RAD51B: variants seen among roughly 807,000 people sequenced by gnomAD.
RAD51B encodes the protein RAD51 paralog B.
In RAD51B, 38 loss-of-function variants were observed where a neutral mutation model predicts 42.2. That is an observed-to-expected ratio of 0.90 (90% confidence interval 0.70 to 1.18). The LOEUF (loss-of-function observed/expected upper bound fraction) is 1.18. Among genes scored for constraint, RAD51B ranks in the 50% most tolerant of loss-of-function variants. The probability of loss-of-function intolerance (pLI) is 0.00; values close to 1 mark genes in which losing one functional copy is unlikely to be tolerated. For missense variants in RAD51B, 373 were observed against 400.7 expected, an observed-to-expected ratio of 0.93 and a Z score of 0.59; for synonymous variants, 154 against 145.2, an observed-to-expected ratio of 1.06 and a Z score of -0.43.
intron 7 of RAD51B, among the ~76,000 whole-genome samples, chr14:68,209,103 A>G (rs1487503462): frequency 1.3e-5 from 2 of 152,298 alleles, no homozygotes; most frequent in East Asian, 1.9e-4. Flanking sequence ...GATCAGGAAG[A>G]TTTTGTCATC....
chr14:68,540,582 C>T (rs1047023041), intron 10 of RAD51B: 1 of 985,204 alleles, frequency 1.0e-6, no homozygotes, highest in African/African-American at 1.7e-5. Context: ...TAGCGTGGTT[C>T]TAGGTGCTGT....
At chr14:68,183,987 G>GA (rs1303548605) in intron 7 of RAD51B, among the ~76,000 whole-genome samples, 1 of 151,384 alleles carries the variant, frequency 6.6e-6, no homozygotes, top group African/African-American at 2.4e-5. Flanking sequence ...AGCTACTCGG[G>GA]GGGGGTGAGG....
chr14:68,022,339 G>A (rs977005981), intron 7 of RAD51B, among the ~76,000 whole-genome samples: 1 of 152,026 alleles, frequency 6.6e-6, no homozygotes, highest in African/African-American at 2.4e-5. Flanking sequence ...ATTATTGATG[G>A]GCACCCAGAT....
rs1311198224 is a variant in RAD51B, at chr14:67,980,482, A to G, written c.756+93278A>G. ...AAGTGGAAAAAATTAGAGGACTAAC[A>G]TTACCTGATTTTAAGACTTATAAAG... On this transcript the variant is annotated intron_variant, in intron 7 of 10. Coordinates refer to ENST00000471583, the MANE Select transcript of RAD51B (RefSeq NM_133510.4). 3.9e-5 allele frequency among the ~76,000 whole-genome samples: 6 copies of G among 152,164 alleles called. No individual in the cohort carries two copies. The East Asian group carries it at 9.6e-4, about 24-fold the overall frequency.
At chr14:68,280,715 T>C (rs1314397254) in intron 7 of RAD51B, among the ~76,000 whole-genome samples, 1 of 152,156 alleles carries the variant, frequency 6.6e-6, no homozygotes, top group African/African-American at 2.4e-5. Context: ...ATAACACAAA[T>C]GACATAAAAA....
intron 10 of RAD51B, among the ~76,000 whole-genome samples, chr14:68,484,540 G>T (rs1883477993): frequency 6.6e-6 from 1 of 151,922 alleles, no homozygotes; most frequent in Non-Finnish European, 1.5e-5. Flanking sequence ...TGTATTTTTA[G>T]TAGAGACGGA....
At chr14:68,603,777 C>T (rs1237794832) in intron 10 of RAD51B, among the ~76,000 whole-genome samples, 1 of 152,230 alleles carries the variant, frequency 6.6e-6, no homozygotes, top group African/African-American at 2.4e-5. Context: ...CCTGCACACG[C>T]CGCGTCTCGC....
chr14:68,155,392 C>T (rs1462840804), intron 7 of RAD51B, among the ~76,000 whole-genome samples: 2 of 151,978 alleles, frequency 1.3e-5, no homozygotes, highest in African/African-American at 4.8e-5. Flanking sequence ...CGGGGTTTCA[C>T]CATGTTGGCC....
intron 8 of RAD51B, among the ~76,000 whole-genome samples, chr14:68,293,748 C>CA (rs1234675475): frequency 6.6e-6 from 1 of 152,346 alleles, no homozygotes; most frequent in African/African-American, 2.4e-5. Flanking sequence ...GCCGCTCTAT[C>CA]TGCTCAACTG....
At chr14:68,201,931 A>G (rs1196078155) in intron 7 of RAD51B, among the ~76,000 whole-genome samples, 2 of 152,226 alleles carry the variant, frequency 1.3e-5, no homozygotes, top group African/African-American at 4.8e-5. Context: ...GGTGTGTCAA[A>G]GCACATGCAG....
chr14:68,610,320 C>T lies in RAD51B; in HGVS notation c.1037-686C>T, dbSNP rs904073285. Among the ~76,000 whole-genome samples, 6 of 152,222 alleles carry T rather than the reference C, an allele frequency of 3.9e-5. No homozygotes were observed. In the South Asian group the frequency reaches 6.2e-4, roughly 16 times the overall value. ...TCTATTTTTCAGATCCCTCCCACTCCGGTGTTGCTATCTGAATTCAAACCC... is the reference window on the plus strand; with the variant it reads ...TCTATTTTTCAGATCCCTCCCACTCTGGTGTTGCTATCTGAATTCAAACCC... On this transcript the variant is annotated intron_variant, in intron 10 of 10. Coordinates refer to the RAD51B transcript ENST00000487861.
intron 7 of RAD51B, among the ~76,000 whole-genome samples, chr14:68,078,927 T>A (rs1378711965): frequency 6.6e-6 from 1 of 152,056 alleles, no homozygotes; most frequent in African/African-American, 2.4e-5. Context: ...GAGGTTGAGG[T>A]TTCAGTGAGC....
At chr14:67,926,794 C>G (rs1338765579) in intron 7 of RAD51B, among the ~76,000 whole-genome samples, 1 of 152,010 alleles carries the variant, frequency 6.6e-6, no homozygotes, top group African/African-American at 2.4e-5. Context: ...GAACTCCCAA[C>G]TTTGTGATCT....
intron 7 of RAD51B, among the ~76,000 whole-genome samples, chr14:68,187,194 G>A (rs1197309465): frequency 6.6e-6 from 1 of 152,122 alleles, no homozygotes; most frequent in African/African-American, 2.4e-5. Flanking sequence ...GTCAACACTG[G>A]GAACTACTAG....
At chr14:68,046,014 G>A (rs907809602) in intron 7 of RAD51B, among the ~76,000 whole-genome samples, 5 of 152,158 alleles carry the variant, frequency 3.3e-5, no homozygotes, top group Non-Finnish European at 7.3e-5. Flanking sequence ...CCACGGCCCT[G>A]GCTCCACCTA....
intron 8 of RAD51B, among the ~76,000 whole-genome samples, chr14:68,354,807 C>G (rs2082864492): frequency 6.6e-6 from 1 of 151,998 alleles, no homozygotes; most frequent in Non-Finnish European, 1.5e-5. Flanking sequence ...GGGCTAGCCT[C>G]TCGGCTTGCT....
intron 8 of RAD51B, among the ~76,000 whole-genome samples, chr14:68,332,281 C>G (rs1352333467): frequency 6.6e-6 from 1 of 152,050 alleles, no homozygotes; most frequent in East Asian, 1.9e-4. Flanking sequence ...TGTATACACA[C>G]AAACACAAAT....
Position 68,213,105 on chromosome 14 carries a change from G to A in RAD51B, c.757-78779G>A, listed in dbSNP as rs541575351. ...AATTTTCTCATTAAAAATTTCTGAC[G>A]AAAGCACAAATAATGTGCTTTTGCA... is the stretch of plus-strand genomic sequence containing the variant. On this transcript the variant is annotated intron_variant, in intron 7 of 10. Coordinates refer to ENST00000471583, the MANE Select transcript of RAD51B (RefSeq NM_133510.4). Among the ~76,000 whole-genome samples the A allele has an allele frequency of 1.0e-3, 152 of 152,254 alleles. 1 individual carries two copies. The highest frequency in any genetic ancestry group is 1.6e-3 in the Non-Finnish European group (110 of 68,026).
chr14:68,608,054 G>C (rs1891523850), intron 10 of RAD51B, among the ~76,000 whole-genome samples: 1 of 152,242 alleles, frequency 6.6e-6, no homozygotes, highest in Non-Finnish European at 1.5e-5. Context: ...GCCTGAGAAA[G>C]GACACCTAGG....
Sources: gnomAD v4.1 joint callset for allele counts (sites outside exome capture counted in the v4.1 genomes callset) on GRCh38, gnomAD v4.1.1 for gene constraint, MANE v1.5 for transcripts, NCBI Gene and HGNC (gene_info 2026-07-23, HGNC 2026-07-21) for gene names.